Variants in MKRN2 observed in about 807,000 individuals in gnomAD.
MKRN2 encodes E3 ubiquitin-protein ligase makorin-2.
MKRN2 carries 32 observed loss-of-function variants against 45.4 expected under a neutral mutation model. The ratio of observed to expected loss-of-function variants is 0.70; its 90% CI spans 0.53 to 0.95. The LOEUF (loss-of-function observed/expected upper bound fraction) is 0.95, where lower values mean the gene tolerates loss of function less well. Ranked by LOEUF, MKRN2 falls within the 40% of genes least tolerant of loss-of-function variation. The pLI is 0.00. For synonymous variants in MKRN2, 206 were observed against 192.4 expected, an observed-to-expected ratio of 1.07 and a Z score of -0.59; for missense variants, 526 against 536.7, an observed-to-expected ratio of 0.98 and a Z score of 0.20.
intron 6 of MKRN2, among the ~76,000 whole-genome samples, chr3:12,579,637 T>G (rs2058164951): frequency 1.3e-5 from 2 of 152,094 alleles, no homozygotes; most frequent in South Asian, 4.1e-4. Context: ...GAAGCACCTG[T>G]CTGTAGGGGG....
intron 4 of MKRN2, 111 bp downstream of exon 4, chr3:12,572,484 C>T (rs1322204412): frequency 1.9e-6 from 2 of 1,026,486 alleles, no homozygotes; most frequent in Non-Finnish European, 2.6e-6. Flanking sequence ...TACTAAGTGA[C>T]AGAATTGTTG....
At chr3:12,560,320 C>G (rs1263575877) in intron 1 of MKRN2, among the ~76,000 whole-genome samples, 1 of 152,084 alleles carries the variant, frequency 6.6e-6, no homozygotes, top group Non-Finnish European at 1.5e-5. Flanking sequence ...AGTGTCTTCA[C>G]CACCACACTG....
At chr3:12,575,786 T>C (rs1190794162) in intron 5 of MKRN2, among the ~76,000 whole-genome samples, 1 of 152,234 alleles carries the variant, frequency 6.6e-6, no homozygotes, top group African/African-American at 2.4e-5. Context: ...TTGGGGCCTT[T>C]TGTGCCTGGC....
At chr3:12,574,747 C>A in intron 4 of MKRN2, 45 bp from the exon 5 acceptor site, 1 of 1,542,138 alleles carries the variant, frequency 6.5e-7, no homozygotes, top group Non-Finnish European at 8.9e-7. Flanking sequence ...CCTGCCACTC[C>A]TCAGTGGCCC....
chr3:12,570,052 T>C lies in MKRN2; in HGVS notation c.156-19T>C. The C allele has an allele frequency of 6.3e-7, 1 of 1,581,556 alleles. No homozygotes were observed. The highest frequency in any genetic ancestry group is 1.1e-5 in the South Asian group (1 of 88,622). On this transcript the variant is annotated intron_variant, in intron 2 of 7. Transcript: ENST00000170447. The stretch of plus-strand genomic sequence containing the variant: ...GTGGGTGGCATGTCTGTAATGCATC[T>C]GCTGTGTGTTTTGTTTAGATATGAC...
chr3:12,581,916 A>G lies in MKRN2; in HGVS notation c.1077A>G (p.Lys359=), dbSNP rs1318930241. The G allele has an allele frequency of 6.2e-7, 1 of 1,614,106 alleles. No homozygotes were observed. The highest frequency in any genetic ancestry group is 8.5e-7 in the Non-Finnish European group (1 of 1,180,032). The part of the protein sequence containing the change: ...YPDGRLAEPE[K]PRKQLSSQGT... ...ATGGGCGGCTAGCAGAGCCTGAGAAACCTCGGAAACAGCTCAGTTCTCAAG... is the reference window on the plus strand; with the variant it reads ...ATGGGCGGCTAGCAGAGCCTGAGAAGCCTCGGAAACAGCTCAGTTCTCAAG... Residue 359 remains lysine, a synonymous_variant, in exon 7 of 8, where the codon AAA becomes AAG. Transcript: ENST00000170447.
intron 1 of MKRN2, among the ~76,000 whole-genome samples, chr3:12,559,360 T>C (rs1251020285): frequency 6.6e-6 from 1 of 152,228 alleles, no homozygotes; most frequent in African/African-American, 2.4e-5. Flanking sequence ...TGATAATTTA[T>C]AGGAAATGTT....
At chr3:12,560,099 G>A (rs1319831909) in intron 1 of MKRN2, among the ~76,000 whole-genome samples, 2 of 152,144 alleles carry the variant, frequency 1.3e-5, no homozygotes, top group African/African-American at 2.4e-5. Context: ...CTAACCGGCA[G>A]GGCTGTTTAA....
At chr3:12,565,944 T>C (rs2125301901) in intron 1 of MKRN2, among the ~76,000 whole-genome samples, 1 of 152,240 alleles carries the variant, frequency 6.6e-6, no homozygotes, top group Admixed American at 6.5e-5. Context: ...CAAACAGAGC[T>C]CACTGCAGGC....
At chr3:12,574,269 T>A (rs138933317) in intron 4 of MKRN2, among the ~76,000 whole-genome samples, 205 of 152,340 alleles carry the variant, frequency 1.3e-3, no homozygotes, top group African/African-American at 4.7e-3. Context: ...TCACTCTTGC[T>A]CAAATGCCAG....
intron 6 of MKRN2, among the ~76,000 whole-genome samples, chr3:12,579,537 A>C (rs962857393): frequency 6.6e-6 from 1 of 152,208 alleles, no homozygotes; most frequent in East Asian, 1.9e-4. Flanking sequence ...CCAGTTCTTC[A>C]TGAGGGACCA....
At chr3:12,581,673 C>T in intron 6 of MKRN2, 135 bp from the exon 7 acceptor site, 2 of 921,790 alleles carry the variant, frequency 2.2e-6, no homozygotes, top group Non-Finnish European at 3.3e-6. Context: ...CCTCTCCCAG[C>T]CTCAGCTGCC....
intron 1 of MKRN2, among the ~76,000 whole-genome samples, chr3:12,558,988 A>G (rs956641413): frequency 6.6e-6 from 1 of 152,216 alleles, no homozygotes; most frequent in African/African-American, 2.4e-5. Flanking sequence ...TGTGAAATCA[A>G]AGTTCATGCC....
At position 12,571,958 on chromosome 3, in the gene MKRN2, C is replaced by G; in HGVS notation, c.338-111C>G. The G allele has an allele frequency of 1.8e-6, 2 of 1,091,184 alleles. 1 individual carries two copies. Among genetic ancestry groups the G allele is most frequent in the Admixed American group, 6.9e-5 (2 of 29,126 alleles). 67.6% of individuals were successfully genotyped at this position (1,091,184 alleles called of 1,614,324 possible). A position where few individuals can be genotyped will look rare whatever the true frequency, so the allele number is the denominator to read the frequency against. ...GTGTGTTTTTTTTGCCATATGTTCTCAAGAGTGGAATTCTTAGGTCAGAGT... is the reference window on the plus strand; with the variant it reads ...GTGTGTTTTTTTTGCCATATGTTCTGAAGAGTGGAATTCTTAGGTCAGAGT... On this transcript the variant is annotated intron_variant, in intron 3 of 7. Transcript: ENST00000170447.
At position 12,578,929 on chromosome 3, in the gene MKRN2, G is replaced by A. The variant is rs1434725696; in HGVS notation, c.968+2188G>A. On this transcript the variant is annotated intron_variant, in intron 6 of 7. Transcript: ENST00000170447. ...TCCTGTGTGTCCACAAGAGGGCAAG[G>A]CGTGGCAAGCAGAGGGGTCCCAGCT... Among the ~76,000 whole-genome samples the A allele has an allele frequency of 6.0e-5, 9 of 149,512 alleles. No individual in the cohort carries two copies. The East Asian group carries it at 1.8e-3, about 29-fold the overall frequency.
chr3:12,582,205 C>T lies in MKRN2; in HGVS notation c.1203C>T (p.Leu401=), dbSNP rs749807571. 17 of 1,614,034 alleles carry T rather than the reference C, an allele frequency of 1.1e-5. No individual in the cohort carries two copies. The highest frequency in any genetic ancestry group is 3.3e-5 in the Admixed American group (2 of 60,008). The part of the protein sequence containing the change: ...PNNEDVDMTE[L]GDLFMHLSGV... ...ATGAAGATGTCGACATGACAGAGCTCGGGGACCTCTTCATGCACCTTTCTG... is the reference window on the plus strand; with the variant it reads ...ATGAAGATGTCGACATGACAGAGCTTGGGGACCTCTTCATGCACCTTTCTG... Residue 401 remains leucine (L), a synonymous_variant, in exon 8 of 8, where the codon CTC becomes CTT. Coordinates refer to ENST00000170447, the MANE Select transcript of MKRN2 (RefSeq NM_014160.5).
At chr3:12,577,567 C>G (rs1243574080) in intron 6 of MKRN2, among the ~76,000 whole-genome samples, 2 of 152,120 alleles carry the variant, frequency 1.3e-5, no homozygotes, top group Non-Finnish European at 2.9e-5. Flanking sequence ...GAATGGATCA[C>G]ATTTTCCTGA....
chr3:12,572,112 G>T lies in MKRN2; in HGVS notation c.381G>T (p.Val127=), dbSNP rs367982751. Residue 127 remains valine (V), a synonymous_variant, in exon 4 of 8, where the codon GTG becomes GTT. Coordinates refer to ENST00000170447, the MANE Select transcript of MKRN2 (RefSeq NM_014160.5). ...MAERKTQPSM[V]SNPGSCSDPQ... is the part of the protein sequence containing the mutation. ...AAAGGAAGACCCAGCCGAGCATGGT[G>T]AGTAATCCAGGCAGCTGCAGCGACC... is the stretch of plus-strand genomic sequence containing the variant. The T allele has an allele frequency of 1.9e-6, 3 of 1,613,716 alleles. No individual in the cohort carries two copies. In the Admixed American group the frequency reaches 5.0e-5, roughly 27 times the overall value.
At chr3:12,579,748 TGGGACCTACAGACTGGAATCTAA>T (rs2058165687) in intron 6 of MKRN2, among the ~76,000 whole-genome samples, 1 of 152,030 alleles carries the variant, frequency 6.6e-6, no homozygotes, top group African/African-American at 2.4e-5. Flanking sequence ...AAGGATGTGG[TGGGACCTACAGACTGGAATCTAA>T]GGGACACTTG....
Sources: allele counts gnomAD v4.1 joint callset (sites outside exome capture counted in the v4.1 genomes callset), GRCh38; gene constraint gnomAD v4.1.1; transcripts MANE v1.5; gene names NCBI Gene and HGNC (gene_info 2026-07-23, HGNC 2026-07-21).